Variants in ARID5B observed in about 807,000 individuals in gnomAD.
ARID5B encodes AT-rich interaction domain 5B, also known as AT-rich interactive domain-containing protein 5B.
ARID5B carries 13 observed loss-of-function variants against 97.2 expected under a neutral mutation model. The observed-to-expected ratio is 0.13, with a 90% CI of 0.09 to 0.21. The LOEUF (loss-of-function observed/expected upper bound fraction) is 0.21, where lower values mean the gene tolerates loss of function less well. Ranked by LOEUF, ARID5B falls within the 10% of genes least tolerant of loss-of-function variation. The pLI is 1.00. For missense variants in ARID5B, 1,210 were observed against 1,465.3 expected (o/e 0.83, Z 2.84); for synonymous variants, 556 against 570.3 (o/e 0.97, Z 0.36).
At chr10:61,998,048 A>G (rs1048455793) in intron 3 of ARID5B, among the ~76,000 whole-genome samples, 3 of 152,234 alleles carry the variant, frequency 2.0e-5, no homozygotes, top group African/African-American at 7.2e-5. Context: ...CAAAGCAGCT[A>G]TACACAGACC....
intron 7 of ARID5B, among the ~76,000 whole-genome samples, chr10:62,067,264 G>T (rs1352488291): frequency 6.6e-6 from 1 of 152,110 alleles, no homozygotes; most frequent in African/African-American, 2.4e-5. Context: ...TGTATTTTTA[G>T]TAGAGACGGG....
intron 8 of ARID5B, among the ~76,000 whole-genome samples, chr10:62,081,619 G>T (rs535506932): frequency 6.6e-6 from 1 of 152,306 alleles, no homozygotes; most frequent in South Asian, 2.1e-4. Context: ...CAAGGCTGCT[G>T]GTTTTTGTTG....
intron 2 of ARID5B, among the ~76,000 whole-genome samples, chr10:61,919,252 T>C (rs1843968665): frequency 6.6e-6 from 1 of 152,138 alleles, no homozygotes; most frequent in South Asian, 2.1e-4. Flanking sequence ...AACATTGAAT[T>C]CATTTTAAAT....
chr10:62,031,117 C>A (rs73274388), intron 4 of ARID5B, among the ~76,000 whole-genome samples: 1 of 152,010 alleles, frequency 6.6e-6, no homozygotes, highest in South Asian at 2.1e-4. Flanking sequence ...GCCTGTAATC[C>A]GAGTTACTCG....
At chr10:61,985,997 GA>G (rs1164807918) in intron 3 of ARID5B, among the ~76,000 whole-genome samples, 1 of 152,106 alleles carries the variant, frequency 6.6e-6, no homozygotes, top group East Asian at 1.9e-4. Flanking sequence ...ACTGCAATCT[GA>G]AACCAGAAAT....
chr10:61,946,930 T>A (rs1049917942), intron 3 of ARID5B, among the ~76,000 whole-genome samples: 8 of 151,906 alleles, frequency 5.3e-5, no homozygotes, highest in South Asian at 2.1e-4. Flanking sequence ...CAAAAAAAAA[T>A]AATAATAATT....
intron 2 of ARID5B, among the ~76,000 whole-genome samples, chr10:61,913,707 A>G (rs1211954740): frequency 1.3e-5 from 2 of 152,152 alleles, no homozygotes; most frequent in Admixed American, 1.3e-4. Flanking sequence ...AAAACAACTC[A>G]TGGAGAGTAT....
intron 2 of ARID5B, among the ~76,000 whole-genome samples, chr10:61,911,464 G>T (rs536943850): frequency 6.6e-6 from 1 of 152,322 alleles, no homozygotes; most frequent in South Asian, 2.1e-4. Flanking sequence ...TATGTGGGAA[G>T]AAGTTTTATT....
At chr10:61,981,966 G>A (rs1263078740) in intron 3 of ARID5B, among the ~76,000 whole-genome samples, 1 of 152,172 alleles carries the variant, frequency 6.6e-6, no homozygotes, top group African/African-American at 2.4e-5. Context: ...CCTTTTTATA[G>A]AGTCTTGTAT....
chr10:61,928,390 TC>T (rs1459193744), intron 2 of ARID5B, among the ~76,000 whole-genome samples: 1 of 152,096 alleles, frequency 6.6e-6, no homozygotes, highest in Non-Finnish European at 1.5e-5. Flanking sequence ...AGCCTCAACT[TC>T]CTGGGCTCAG....
intron 6 of ARID5B, among the ~76,000 whole-genome samples, chr10:62,058,595 C>T (rs1260319643): frequency 6.6e-6 from 1 of 152,204 alleles, no homozygotes; most frequent in African/African-American, 2.4e-5. Context: ...TGCAACATCA[C>T]ACAGGCCAGT....
At chr10:62,084,832 G>C (rs1840259834) in intron 8 of ARID5B, among the ~76,000 whole-genome samples, 1 of 152,084 alleles carries the variant, frequency 6.6e-6, no homozygotes, top group African/African-American at 2.4e-5. Context: ...AAATTTTCAG[G>C]CCTCTGGTTT....
At chr10:61,922,564 C>G (rs1844035793) in intron 2 of ARID5B, among the ~76,000 whole-genome samples, 1 of 152,230 alleles carries the variant, frequency 6.6e-6, no homozygotes, top group Non-Finnish European at 1.5e-5. Flanking sequence ...GATCATGCCA[C>G]TGCACTCCAG....
In ARID5B at chr10:62,000,394, G is replaced by A. The variant is rs992715378; in HGVS notation, c.733+73G>A. ...TAGTTGTTTTCAGTTCTTCTGAAGA[G>A]CGGTGATGGGGAACGGGGCTCACTT... On this transcript the variant is annotated intron_variant, in intron 4 of 9. Transcript: ENST00000279873. This position sits in a 1 kb window ranked among gnomAD's most constrained non-coding sequence, Gnocchi z 4.4. 5 of 1,363,378 alleles carry A rather than the reference G, an allele frequency of 3.7e-6. No individual in the cohort carries two copies. The African/African-American group carries it at 7.3e-5, about 20-fold the overall frequency. The allele number at this position is 1,363,378 out of a possible 1,614,324, so 84.5% of individuals were successfully genotyped here.
intron 2 of ARID5B, among the ~76,000 whole-genome samples, chr10:61,912,697 T>TACAC (rs1346075783): frequency 2.7e-5 from 4 of 150,778 alleles, no homozygotes; most frequent in Non-Finnish European, 5.9e-5. Flanking sequence ...TATACACACA[T>TACAC]ACACACACAC....
intron 2 of ARID5B, among the ~76,000 whole-genome samples, chr10:61,934,742 C>T (rs1406483617): frequency 1.3e-5 from 2 of 152,038 alleles, no homozygotes; most frequent in Non-Finnish European, 2.9e-5. Context: ...CGGCTGGGTG[C>T]GGTGGCTCAC....
chr10:62,004,857 T>A (rs2132872745), intron 4 of ARID5B, among the ~76,000 whole-genome samples: 1 of 152,328 alleles, frequency 6.6e-6, no homozygotes, highest in African/African-American at 2.4e-5. Flanking sequence ...GATAAAAGGA[T>A]AACTTTAAGG....
intron 1 of ARID5B, 148 bp downstream of exon 1, chr10:61,901,878 T>A (rs1843620811): frequency 1.8e-5 from 13 of 739,440 alleles, no homozygotes; most frequent in Non-Finnish European, 1.6e-5. Context: ...TCATTTTTAT[T>A]GTTTAAAAAA....
At chr10:61,921,675 GATT>G (rs1158709533) in intron 2 of ARID5B, among the ~76,000 whole-genome samples, 2 of 152,144 alleles carry the variant, frequency 1.3e-5, no homozygotes, top group Non-Finnish European at 2.9e-5. Flanking sequence ...AAGAGCAGGA[GATT>G]ATTAGGAGGT....
Sources: gnomAD v4.1 joint callset for allele counts (sites outside exome capture counted in the v4.1 genomes callset) on GRCh38, gnomAD v4.1.1 for gene constraint, Gnocchi (gnomAD v3.1) non-coding constraint, MANE v1.5 for transcripts, NCBI Gene and HGNC (gene_info 2026-07-23, HGNC 2026-07-21) for gene names.